The following GLDN variants were observed in gnomAD, a reference collection of about 807,000 sequenced individuals.
GLDN encodes the protein gliomedin, also known as collomin.
A neutral mutation model predicts 56.5 loss-of-function variants in GLDN; 47 were observed. The ratio of observed to expected loss-of-function variants is 0.83; its 90% CI spans 0.66 to 1.06. GLDN has a LOEUF of 1.06. Among genes scored for constraint, GLDN ranks in the 50% least tolerant of loss-of-function variants. The pLI is 0.00. For synonymous variants in GLDN, 332 were observed against 278.8 expected (o/e 1.19, Z -1.90); for missense variants, 782 against 714.3 (o/e 1.09, Z -1.08).
At chr15:51,378,607 T>C (rs1338978513) in intron 2 of GLDN, among the ~76,000 whole-genome samples, 1 of 152,158 alleles carries the variant, frequency 6.6e-6, no homozygotes, top group Non-Finnish European at 1.5e-5. Context: ...TAGGAGAGAT[T>C]GGCAGAGAGT....
At chr15:51,363,081 TCA>T (rs2037332924) in intron 1 of GLDN, among the ~76,000 whole-genome samples, 1 of 152,098 alleles carries the variant, frequency 6.6e-6, no homozygotes, top group Non-Finnish European at 1.5e-5. Flanking sequence ...GATGAAGAGT[TCA>T]GTTTTGAATG....
chr15:51,365,911 A>G (rs1257015809), intron 1 of GLDN, among the ~76,000 whole-genome samples: 2 of 152,204 alleles, frequency 1.3e-5, no homozygotes, highest in African/African-American at 4.8e-5. Flanking sequence ...TTACATTTGT[A>G]TGTGTTTAAA....
At chr15:51,356,539 T>C (rs2037190128) in intron 1 of GLDN, among the ~76,000 whole-genome samples, 1 of 152,190 alleles carries the variant, frequency 6.6e-6, no homozygotes, top group South Asian at 2.1e-4. Flanking sequence ...GCCTTCTCCA[T>C]GTAAGAGGAC....
chr15:51,355,586 T>C (rs190698513), intron 1 of GLDN, among the ~76,000 whole-genome samples: 23 of 150,282 alleles, frequency 1.5e-4, no homozygotes, highest in African/African-American at 5.6e-4. Context: ...TCCAGTGGCA[T>C]GATTTCGGCT....
intron 8 of GLDN, 119 bp from the exon 9 acceptor site, chr15:51,401,474 G>A: frequency 1.2e-6 from 1 of 841,190 alleles, no homozygotes; most frequent in East Asian, 2.4e-5. Flanking sequence ...ACTGGACAAG[G>A]GACCTTAGGG....
intron 1 of GLDN, among the ~76,000 whole-genome samples, chr15:51,346,716 G>A (rs548389066): frequency 3.9e-5 from 6 of 152,158 alleles, no homozygotes; most frequent in African/African-American, 1.2e-4. Flanking sequence ...GCAAAACTTC[G>A]GCATAGCAAA....
chr15:51,412,516 C>G (rs2038477655), downstream of GLDN, among the ~76,000 whole-genome samples: 1 of 152,194 alleles, frequency 6.6e-6, no homozygotes, highest in Non-Finnish European at 1.5e-5. Context: ...CTCTCTCTCT[C>G]TATCCCCCAA....
intron 1 of GLDN, 152 bp downstream of exon 1, chr15:51,342,199 C>A: frequency 2.1e-6 from 2 of 933,844 alleles, no homozygotes; most frequent in Non-Finnish European, 3.2e-6. Flanking sequence ...GTCACCTTGG[C>A]AAGCACCTCA....
rs59898719 is a variant in GLDN at position 51,362,484 on chromosome 15, T to TAAA, written c.364-14946_364-14944dup. Reference sequence around the variant, plus strand: ...TGGGTGACAGAGCGAGACTCTGTCTTAAAAAAAAAAAAAAAAAAAAAGAAA... The same window carrying TAAA: ...TGGGTGACAGAGCGAGACTCTGTCTTAAAAAAAAAAAAAAAAAAAAAAAAGAAA... On this transcript the variant is annotated intron_variant, in intron 1 of 9. Transcript: ENST00000335449. Among the ~76,000 whole-genome samples, 598 of 131,806 alleles carry TAAA rather than the reference T, an allele frequency of 4.5e-3. 10 individuals are homozygous for TAAA. Among genetic ancestry groups the TAAA allele is most frequent in the African/African-American group, 0.015 (574 of 37,194 alleles). 86.5% of individuals were successfully genotyped at this position (131,806 alleles called of 152,430 possible). A position where few individuals can be genotyped will look rare whatever the true frequency, so the allele number is the denominator to read the frequency against.
At chr15:51,393,642 C>G (rs74016747) in intron 4 of GLDN, among the ~76,000 whole-genome samples, 4,919 of 152,238 alleles carry the variant, frequency 0.032, 117 homozygotes, top group African/African-American at 0.072. Context: ...AAATTCTAGC[C>G]GTCTCCTTCT....
intron 1 of GLDN, among the ~76,000 whole-genome samples, chr15:51,342,621 T>A (rs968394573): frequency 3.9e-5 from 6 of 152,212 alleles, no homozygotes; most frequent in African/African-American, 1.4e-4. Context: ...GGGACCTAGA[T>A]GCTGGGAAAG....
At chr15:51,404,146 A>G in intron 9 of GLDN, 131 bp from the exon 10 acceptor site, 2 of 700,786 alleles carry the variant, frequency 2.9e-6, no homozygotes, top group Non-Finnish European at 4.9e-6. Flanking sequence ...ATTACCTGGG[A>G]GCTTGTAAGG....
intron 1 of GLDN, 161 bp downstream of exon 1, chr15:51,342,208 C>A: frequency 1.2e-6 from 1 of 841,694 alleles, no homozygotes; most frequent in Non-Finnish European, 1.8e-6. Flanking sequence ...GCAAGCACCT[C>A]AACCCACTGG....
chr15:51,375,702 G>C (rs1432864299), intron 1 of GLDN, among the ~76,000 whole-genome samples: 1 of 152,176 alleles, frequency 6.6e-6, no homozygotes, highest in East Asian at 1.9e-4. Context: ...GTGTCCACAT[G>C]GCATGAGAAT....
intron 1 of GLDN, among the ~76,000 whole-genome samples, chr15:51,360,757 C>T (rs1445721689): frequency 2.6e-5 from 4 of 152,234 alleles, no homozygotes; most frequent in Non-Finnish European, 4.4e-5. Flanking sequence ...GAGAGCCCTA[C>T]TCCTTTACTA....
intron 1 of GLDN, among the ~76,000 whole-genome samples, chr15:51,348,366 A>T (rs2037016626): frequency 6.6e-6 from 1 of 151,680 alleles, no homozygotes. Flanking sequence ...AAGGTCTTAC[A>T]GTGTCGCCCA....
chr15:51,386,473 AGG>A (rs1177980682), intron 4 of GLDN, among the ~76,000 whole-genome samples: 1 of 152,156 alleles, frequency 6.6e-6, no homozygotes, highest in Non-Finnish European at 1.5e-5. Flanking sequence ...CTTGCAGGAA[AGG>A]GATAGGGAGG....
intron 4 of GLDN, among the ~76,000 whole-genome samples, chr15:51,389,758 G>T (rs555271432): frequency 2.6e-5 from 4 of 152,110 alleles, no homozygotes; most frequent in Admixed American, 1.3e-4. Context: ...AGCATTAACC[G>T]CAGGGAGAGA....
chr15:51,378,906 T>C (rs1243208023), intron 2 of GLDN, among the ~76,000 whole-genome samples: 2 of 152,136 alleles, frequency 1.3e-5, no homozygotes, highest in Admixed American at 1.3e-4. Flanking sequence ...CACAGAGCAT[T>C]GGTCTCGAGC....
Sources: gnomAD v4.1 joint callset for allele counts (sites outside exome capture counted in the v4.1 genomes callset) on GRCh38, gnomAD v4.1.1 for gene constraint, MANE v1.5 for transcripts, NCBI Gene and HGNC (gene_info 2026-07-23, HGNC 2026-07-21) for gene names.